Variants in KIF21A observed in about 807,000 individuals in gnomAD.
KIF21A encodes kinesin family member 21A, also known as kinesin-like protein KIF21A.
A neutral mutation model predicts 202.9 loss-of-function variants in KIF21A; 114 were observed. That is an observed-to-expected ratio of 0.56 (90% confidence interval 0.48 to 0.66). The LOEUF is 0.66. KIF21A is among the 30% of genes least tolerant of loss of function. The pLI is 0.00. For missense variants in KIF21A, 1,677 were observed against 1,994.9 expected (o/e 0.84, Z 3.04); for synonymous variants, 667 against 670.8 (o/e 0.99, Z 0.09).
At chr12:39,370,973 A>C (rs1319477964) in intron 1 of KIF21A, among the ~76,000 whole-genome samples, 2 of 152,158 alleles carry the variant, frequency 1.3e-5, no homozygotes, top group East Asian at 3.8e-4. Context: ...CTGACATAAA[A>C]TTATGTAGTA....
intron 27 of KIF21A, chr12:39,322,283 T>C (rs992034301): frequency 6.1e-6 from 1 of 164,298 alleles, no homozygotes; most frequent in Non-Finnish European, 1.3e-5. Flanking sequence ...AACTAGGATA[T>C]AGGTAATTTA....
chr12:39,441,551 A>AG (rs1411161318), intron 1 of KIF21A, among the ~76,000 whole-genome samples: 1 of 151,442 alleles, frequency 6.6e-6, no homozygotes, highest in Non-Finnish European at 1.5e-5. Flanking sequence ...AGACTAATCT[A>AG]ACAATTGGAT....
At chr12:39,297,643 G>A (rs1185328715) in intron 37 of KIF21A, among the ~76,000 whole-genome samples, 2 of 150,514 alleles carry the variant, frequency 1.3e-5, no homozygotes, top group South Asian at 2.1e-4. Context: ...GCTAGATGAC[G>A]AGTTAGTGAG....
rs769695817 is a variant in KIF21A, at chr12:39,315,944, G to A, written c.3935C>T (p.Ser1312Leu). The A allele has an allele frequency of 7.5e-6, 12 of 1,604,662 alleles. No individual in the cohort carries two copies. In the African/African-American group the frequency reaches 8.0e-5, roughly 11 times the overall value. Residue 1312 changes from serine to leucine, a missense_variant, in exon 30 of 38, where the codon TCG becomes TTG. Ser to Leu is a moderately radical substitution (Grantham distance 145). Around this residue, in one of 3 missense-constraint regions of KIF21A, gnomAD observed 705 missense variants for 791.9 expected, o/e 0.89. Coordinates refer to ENST00000361418, the MANE Select transcript of KIF21A (RefSeq NM_001173464.2). ...DKSDESDSSL[S>L]EVHRSSRRGI... ...GGAAAGAAAGTACCTGTGTACCTCC[G>A]AGAGAGAGGAGTCACTTTCATCAGA...
chr12:39,353,098 CAG>C (rs1266882260), intron 10 of KIF21A, among the ~76,000 whole-genome samples: 1 of 152,136 alleles, frequency 6.6e-6, no homozygotes, highest in Non-Finnish European at 1.5e-5. Context: ...TCAAATATTT[CAG>C]AGAAAGATGC....
intron 1 of KIF21A, among the ~76,000 whole-genome samples, chr12:39,410,836 T>TA (rs1247198330): frequency 6.6e-6 from 1 of 152,018 alleles, no homozygotes. Context: ...TACTGGAAAA[T>TA]AAGAGAGCCC....
At chr12:39,423,983 CAAAAAAAAAAAAAA>C (rs35526386) in intron 1 of KIF21A, among the ~76,000 whole-genome samples, 2 of 25,668 alleles carry the variant, frequency 7.8e-5, no homozygotes, top group Admixed American at 5.7e-4. Context: ...GACTCTGTCT[CAAAAAAAAAAAAAA>C]AAAAAAAAAA....
chr12:39,334,733 T>C (rs987987505), intron 17 of KIF21A, among the ~76,000 whole-genome samples: 2 of 152,138 alleles, frequency 1.3e-5, no homozygotes, highest in Non-Finnish European at 2.9e-5. Flanking sequence ...AGGAGGTCAA[T>C]ATGTACACAA....
chr12:39,436,420 T>TA (rs1938697476), intron 1 of KIF21A, among the ~76,000 whole-genome samples: 12 of 94,376 alleles, frequency 1.3e-4, no homozygotes, highest in African/African-American at 4.5e-4. Flanking sequence ...GGGTTTACTA[T>TA]ATTATATATA....
At chr12:39,411,530 T>A (rs1953078173) in intron 1 of KIF21A, among the ~76,000 whole-genome samples, 1 of 152,166 alleles carries the variant, frequency 6.6e-6, no homozygotes, top group African/African-American at 2.4e-5. Context: ...TATACATTTA[T>A]TTTTTATTCT....
In KIF21A at chr12:39,341,497, G is replaced by C. The variant is rs1055277305; in HGVS notation, c.1921+8C>G. ...TGAATTTTTGCCCTTATACCAAAGG[G>C]CAAGTACCTTTTTCATCTGATTCAG... is the stretch of plus-strand genomic sequence containing the variant. On this transcript the variant is annotated splice_region_variant and intron_variant, in intron 14 of 37. Transcript: ENST00000361418. 6.2e-7 allele frequency: 1 copy of C among 1,612,282 alleles called. No homozygotes were observed. The highest frequency in any genetic ancestry group is 8.5e-7 in the Non-Finnish European group (1 of 1,179,318).
intron 37 of KIF21A, among the ~76,000 whole-genome samples, chr12:39,301,268 T>C (rs1486870590): frequency 6.6e-6 from 1 of 152,234 alleles, no homozygotes; most frequent in African/African-American, 2.4e-5. Flanking sequence ...CAGAGTGCTA[T>C]ACAGGAGTAA....
At chr12:39,356,380 G>A (rs895186392) in intron 10 of KIF21A, among the ~76,000 whole-genome samples, 1 of 152,194 alleles carries the variant, frequency 6.6e-6, no homozygotes, top group Admixed American at 6.5e-5. Context: ...GTACCACAGA[G>A]GGGCAGGCAA....
At chr12:39,374,868 T>C (rs1302024637) in intron 1 of KIF21A, among the ~76,000 whole-genome samples, 1 of 152,188 alleles carries the variant, frequency 6.6e-6, no homozygotes. Flanking sequence ...AGTTTCCCTA[T>C]GCTGGCTTTT....
At position 39,301,480 on chromosome 12, in the gene KIF21A, T is replaced by G; in HGVS notation, c.4931A>C (p.Asp1644Ala). Residue 1644 changes from aspartate (D) to alanine (A), a missense_variant and splice_region_variant, in exon 37 of 38, where the codon GAT becomes GCT. Asp to Ala is a moderately radical substitution (Grantham distance 126). Coordinates refer to ENST00000361418, the MANE Select transcript of KIF21A (RefSeq NM_001173464.2). ...AGAAAAATCATATAAGAAAACTTAC[T>G]CAGCTGCAGTAAAAATGTGGGTGGA... ...VNSTHIFTAA[D>A]DRTVRIWKAR... 4 of 1,612,636 alleles carry G rather than the reference T, an allele frequency of 2.5e-6. No individual in the cohort carries two copies. The East Asian group carries it at 8.9e-5, about 36-fold the overall frequency.
intron 28 of KIF21A, 131 bp downstream of exon 28, chr12:39,319,775 T>G: frequency 1.5e-6 from 1 of 669,818 alleles, no homozygotes; most frequent in South Asian, 1.7e-5. Context: ...GACTTGACTG[T>G]CTTGATTAGT....
rs1200001151 is a variant in KIF21A, at chr12:39,442,977, G to C, written c.-7C>G. ...CGTCCGGGGCGCCCAACATGCTGGC[G>C]GCGGGCAGCGATCGAGCCGTTGGGC... On this transcript the variant is annotated 5_prime_UTR_variant, in exon 1 of 38. Coordinates refer to ENST00000361418, the MANE Select transcript of KIF21A (RefSeq NM_001173464.2). The surrounding 1 kb of genome is among the most constrained non-coding windows in gnomAD (Gnocchi z 5.0). The C allele has an allele frequency of 6.6e-7, 1 of 1,519,874 alleles. No individual in the cohort carries two copies. Among genetic ancestry groups the C allele is most frequent in the South Asian group, 1.2e-5 (1 of 82,296 alleles). 94.1% of individuals were successfully genotyped at this position (1,519,874 alleles called of 1,614,324 possible). A position where few individuals can be genotyped will look rare whatever the true frequency, so the allele number is the denominator to read the frequency against.
At chr12:39,358,505 C>T (rs1948964804) in intron 7 of KIF21A, 132 bp from the exon 8 acceptor site, 1 of 791,592 alleles carries the variant, frequency 1.3e-6, no homozygotes, top group Non-Finnish European at 2.1e-6. Flanking sequence ...AATTTAAAAG[C>T]CCCTGTACTT....
intron 1 of KIF21A, among the ~76,000 whole-genome samples, chr12:39,395,842 CAA>C (rs747398067): frequency 1.4e-4 from 12 of 84,948 alleles, no homozygotes; most frequent in South Asian, 3.4e-4. Flanking sequence ...GACTCCGTCT[CAA>C]AAAAAAAAAA....
Sources: allele counts gnomAD v4.1 joint callset (sites outside exome capture counted in the v4.1 genomes callset), GRCh38; gene constraint gnomAD v4.1.1; regional missense constraint gnomAD v4.1.1; non-coding constraint Gnocchi (gnomAD v3.1); transcripts MANE v1.5; gene names NCBI Gene and HGNC (gene_info 2026-07-23, HGNC 2026-07-21).